Variants in MARCHF1 observed in about 807,000 individuals in gnomAD.
MARCHF1 encodes membrane associated ring-CH-type finger 1, also known as E3 ubiquitin-protein ligase MARCHF1.
In MARCHF1, 40 loss-of-function variants were observed where a neutral mutation model predicts 54.2. That is an observed-to-expected ratio of 0.74 (90% CI 0.57 to 0.96). The LOEUF (loss-of-function observed/expected upper bound fraction) is 0.96. Among genes scored for constraint, MARCHF1 ranks in the 40% least tolerant of loss-of-function variants. The pLI, the probability that MARCHF1 is intolerant of heterozygous loss-of-function variation, is 0.00. For missense variants in MARCHF1, 586 were observed against 656.5 expected (o/e 0.89, Z 1.17); for synonymous variants, 236 against 236.3 (o/e 1.00, Z 0.01).
At chr4:163,819,278 GCTGA>G (rs1748627574) in intron 4 of MARCHF1, among the ~76,000 whole-genome samples, 1 of 152,040 alleles carries the variant, frequency 6.6e-6, no homozygotes, top group Non-Finnish European at 1.5e-5. Context: ...TTCTTATCAA[GCTGA>G]CTATCCATGG....
intron 1 of MARCHF1, among the ~76,000 whole-genome samples, chr4:164,158,770 T>A (rs910913948): frequency 2.0e-5 from 3 of 152,206 alleles, no homozygotes; most frequent in Admixed American, 6.5e-5. Flanking sequence ...TAATTGCTAT[T>A]CCTATTACCA....
At chr4:164,013,009 G>A (rs1753456106) in intron 2 of MARCHF1, among the ~76,000 whole-genome samples, 1 of 152,086 alleles carries the variant, frequency 6.6e-6, no homozygotes, top group Non-Finnish European at 1.5e-5. Flanking sequence ...CAAGCACCAA[G>A]AACACTCAGG....
Position 164,075,324 on chromosome 4 carries a change from C to T in MARCHF1, c.-248+36264G>A, listed in dbSNP as rs546546570. ...TCCGGCTCTAGTTCTGGTTTCACTA[C>T]GCAGCTTGCTTCAGGCCAATGGGAT... On this transcript the variant is annotated intron_variant, in intron 2 of 9. Transcript: ENST00000514618. Among the ~76,000 whole-genome samples the T allele has an allele frequency of 6.6e-5, 10 of 152,344 alleles. No homozygotes were observed. In the South Asian group the frequency reaches 1.0e-3, roughly 16 times the overall value.
At chr4:164,339,097 G>A (rs1436514841) in intron 1 of MARCHF1, among the ~76,000 whole-genome samples, 1 of 151,984 alleles carries the variant, frequency 6.6e-6, no homozygotes, top group Non-Finnish European at 1.5e-5. Flanking sequence ...AAAACTGAAG[G>A]GAGAAATGAA....
chr4:163,542,992 CAG>C (rs1312595554), intron 9 of MARCHF1, among the ~76,000 whole-genome samples: 1 of 151,962 alleles, frequency 6.6e-6, no homozygotes, highest in African/African-American at 2.4e-5. Context: ...AAATGTTTTA[CAG>C]AGAGAGGAAA....
At chr4:163,735,671 G>A (rs146225554) in intron 4 of MARCHF1, among the ~76,000 whole-genome samples, 16 of 152,164 alleles carry the variant, frequency 1.1e-4, no homozygotes, top group Middle Eastern at 3.4e-3. Context: ...CTTATAGACC[G>A]CACCCCTTAA....
At chr4:163,832,898 T>A (rs1749071630) in intron 4 of MARCHF1, among the ~76,000 whole-genome samples, 1 of 152,032 alleles carries the variant, frequency 6.6e-6, no homozygotes. Context: ...GGTTCATCCA[T>A]GTCCCTACAA....
intron 1 of MARCHF1, among the ~76,000 whole-genome samples, chr4:164,210,318 C>A (rs185049593): frequency 2.0e-5 from 3 of 152,148 alleles, no homozygotes; most frequent in South Asian, 4.2e-4. Flanking sequence ...AGCTTCATGG[C>A]AGATTATATA....
At chr4:164,014,666 C>T (rs1753498902) in intron 2 of MARCHF1, among the ~76,000 whole-genome samples, 1 of 151,938 alleles carries the variant, frequency 6.6e-6, no homozygotes, top group African/African-American at 2.4e-5. Flanking sequence ...CCTATAAAAA[C>T]ACATATAGAT....
At chr4:163,799,256 A>T (rs1388697460) in intron 4 of MARCHF1, among the ~76,000 whole-genome samples, 1 of 152,106 alleles carries the variant, frequency 6.6e-6, no homozygotes, top group Non-Finnish European at 1.5e-5. Context: ...GCAGGCCAGC[A>T]TTTATCTAAT....
chr4:164,188,571 A>G (rs1731039052), intron 1 of MARCHF1: 1 of 786,716 alleles, frequency 1.3e-6, no homozygotes. Flanking sequence ...ACGCGGTCCT[A>G]TGTGCCCTTC....
chr4:164,138,872 T>C (rs1345262142), intron 1 of MARCHF1, among the ~76,000 whole-genome samples: 1 of 152,098 alleles, frequency 6.6e-6, no homozygotes, highest in Non-Finnish European at 1.5e-5. Context: ...AACAATTTGA[T>C]TTTGAAAAAA....
At chr4:163,816,605 C>T (rs1748539459) in intron 4 of MARCHF1, among the ~76,000 whole-genome samples, 1 of 152,000 alleles carries the variant, frequency 6.6e-6, no homozygotes, top group African/African-American at 2.4e-5. Context: ...ATGCATCAGG[C>T]TGTATTCTAA....
At chr4:164,149,511 G>A (rs1006195247) in intron 1 of MARCHF1, among the ~76,000 whole-genome samples, 4 of 151,996 alleles carry the variant, frequency 2.6e-5, no homozygotes, top group East Asian at 1.9e-4. Flanking sequence ...ATAACATATC[G>A]GCTTTCTCGA....
intron 7 of MARCHF1, among the ~76,000 whole-genome samples, chr4:163,586,715 G>A (rs573753634): frequency 2.0e-5 from 3 of 152,212 alleles, no homozygotes; most frequent in African/African-American, 7.2e-5. Flanking sequence ...TAAAAGTTAT[G>A]AGTTTTAAGT....
chr4:164,227,228 G>A (rs1001523712), intron 1 of MARCHF1, among the ~76,000 whole-genome samples: 1 of 152,064 alleles, frequency 6.6e-6, no homozygotes, highest in Non-Finnish European at 1.5e-5. Flanking sequence ...TCTTCACAGG[G>A]CAGCAGGAGA....
intron 4 of MARCHF1, among the ~76,000 whole-genome samples, chr4:163,779,353 C>G: frequency 6.6e-6 from 1 of 152,286 alleles, no homozygotes; most frequent in East Asian, 1.9e-4. Flanking sequence ...GGAAAAGCTT[C>G]ATCCCAGCTG....
chr4:163,761,833 C>T (rs894821944), intron 4 of MARCHF1, among the ~76,000 whole-genome samples: 3 of 152,192 alleles, frequency 2.0e-5, no homozygotes, highest in African/African-American at 4.8e-5. Flanking sequence ...CCTCCTTTCC[C>T]TTCTTCACAT....
At position 164,047,318 on chromosome 4, in the gene MARCHF1, T is replaced by C. The variant is rs78049644; in HGVS notation, c.-247-58609A>G. 7.0e-3 allele frequency among the ~76,000 whole-genome samples: 1,071 copies of C among 152,162 alleles called. 10 individuals are homozygous for C. The highest frequency in any genetic ancestry group is 0.023 in the East Asian group (120 of 5,146). ...CACATGGAAATGAGAATTCCTACAATCATGTGACTGGGCCTAGGAGGGGAC... is the reference window on the plus strand; with the variant it reads ...CACATGGAAATGAGAATTCCTACAACCATGTGACTGGGCCTAGGAGGGGAC... On this transcript the variant is annotated intron_variant, in intron 2 of 9. Transcript: ENST00000514618.
Sources: gnomAD v4.1 joint callset for allele counts (sites outside exome capture counted in the v4.1 genomes callset) on GRCh38, gnomAD v4.1.1 for gene constraint, MANE v1.5 for transcripts, NCBI Gene and HGNC (gene_info 2026-07-23, HGNC 2026-07-21) for gene names.